The following KIF23 variants were observed in gnomAD, a reference collection of about 807,000 sequenced individuals.
KIF23 encodes the protein kinesin family member 23, also known as kinesin-like protein KIF23.
KIF23 carries 30 observed loss-of-function variants against 137.5 expected under a neutral mutation model. That is an observed-to-expected ratio of 0.22 (90% CI 0.16 to 0.30). The LOEUF is 0.30. Among genes scored for constraint, KIF23 ranks in the 10% least tolerant of loss-of-function variants. The probability of loss-of-function intolerance (pLI) is 1.00; values close to 1 mark genes in which losing one functional copy is unlikely to be tolerated. For missense variants in KIF23, 920 were observed against 1,194.3 expected (o/e 0.77, Z 3.38); for synonymous variants, 367 against 391.1 (o/e 0.94, Z 0.73).
chr15:69,416,138 G>A, intron 2 of KIF23, 75 bp downstream of exon 2: 1 of 905,084 alleles, frequency 1.1e-6, no homozygotes, highest in Non-Finnish European at 1.7e-6. Flanking sequence ...TTATGTGTAT[G>A]CTTGGAAGGG....
chr15:69,421,348 A>G (rs2057050359), intron 3 of KIF23, among the ~76,000 whole-genome samples: 1 of 152,140 alleles, frequency 6.6e-6, no homozygotes, highest in Non-Finnish European at 1.5e-5. Context: ...AGATTGTGTC[A>G]TTGCACTCCA....
At chr15:69,433,764 T>C (rs2057408572) in intron 11 of KIF23, among the ~76,000 whole-genome samples, 2 of 152,098 alleles carry the variant, frequency 1.3e-5, no homozygotes, top group Non-Finnish European at 2.9e-5. Context: ...TTTAGCCACA[T>C]AAAAGGTAGC....
At chr15:69,417,582 T>C (rs2056950594) in intron 3 of KIF23, 71 bp downstream of exon 3, 2 of 1,486,218 alleles carry the variant, frequency 1.3e-6, no homozygotes, top group Non-Finnish European at 9.1e-7. Context: ...GATTTTTAGA[T>C]GTAACAAAGT....
At chr15:69,421,385 T>C (rs1343811915) in intron 3 of KIF23, among the ~76,000 whole-genome samples, 1 of 151,854 alleles carries the variant, frequency 6.6e-6, no homozygotes, top group Non-Finnish European at 1.5e-5. Flanking sequence ...CAAAACTCTG[T>C]CTCAAAAAAA....
chr15:69,428,355 T>G (rs2057258812), intron 10 of KIF23, among the ~76,000 whole-genome samples: 1 of 151,974 alleles, frequency 6.6e-6, no homozygotes, highest in African/African-American at 2.4e-5. Flanking sequence ...GACTTTCACT[T>G]CTTTTTATAA....
At position 69,447,925 on chromosome 15, in the gene KIF23, G is replaced by A; in HGVS notation, c.*118G>A. The A allele has an allele frequency of 9.7e-7, 1 of 1,032,040 alleles. No individual in the cohort carries two copies. Among genetic ancestry groups the A allele is most frequent in the Non-Finnish European group, 1.5e-6 (1 of 675,126 alleles). 63.9% of individuals were successfully genotyped at this position (1,032,040 alleles called of 1,614,324 possible). A position where few individuals can be genotyped will look rare whatever the true frequency, so the allele number is the denominator to read the frequency against. On this transcript the variant is annotated 3_prime_UTR_variant, in exon 24 of 24. Transcript: ENST00000679126. Reference sequence around the variant, plus strand: ...AACTCCAGCTTTGTTGAAAATCACGGACCTCAGCTACATCATACACTGACC... The same window carrying A: ...AACTCCAGCTTTGTTGAAAATCACGAACCTCAGCTACATCATACACTGACC...
At chr15:69,435,962 A>G (rs925166102) in intron 13 of KIF23, among the ~76,000 whole-genome samples, 176 bp from the exon 14 acceptor site, 7 of 152,164 alleles carry the variant, frequency 4.6e-5, no homozygotes, top group Non-Finnish European at 1.0e-4. Context: ...TGGGACGATC[A>G]ATTGGGCCCA....
chr15:69,447,065 C>A, intron 23 of KIF23, 124 bp downstream of exon 23: 1 of 928,444 alleles, frequency 1.1e-6, no homozygotes, highest in African/African-American at 1.6e-5. Context: ...TTGGTTTTCC[C>A]CTTGGACTAT....
rs775485972 is a variant in KIF23 at position 69,439,976 on chromosome 15, C to G, written c.1828C>G (p.Gln610Glu). The G allele has an allele frequency of 1.9e-6, 3 of 1,613,912 alleles. No individual in the cohort carries two copies. The South Asian group carries it at 3.3e-5, about 18-fold the overall frequency. The change falls in exon 17 of 24, where the codon CAG becomes GAG. Residue 610 changes from glutamine to glutamate, a missense_variant. Around this residue, in one of 4 missense-constraint regions of KIF23, gnomAD observed 714 missense variants for 866.2 expected, o/e 0.82. Transcript: ENST00000679126. The stretch of plus-strand genomic sequence containing the variant: ...CAATTTGCAACAGGAACTTGAAACT[C>G]AGAACCAGAAACTTCAGCGACAGTT... ...KRNLQQELET[Q>E]NQKLQRQFSD...
intron 14 of KIF23, 137 bp from the exon 15 acceptor site, chr15:69,436,427 C>A: frequency 8.4e-7 from 1 of 1,197,048 alleles, no homozygotes; most frequent in Non-Finnish European, 1.2e-6. Context: ...TACTATGATT[C>A]TTAGGTAAGT....
Position 69,444,637 on chromosome 15 carries a change from G to A in KIF23, c.2422-153G>A, listed in dbSNP as rs1596027069. Reference sequence around the variant, plus strand: ...GGTGTTAAAGATGTTTGTTGGTTTTGTGTTTAAATGCAAAGATCATGTTTA... The same window carrying A: ...GGTGTTAAAGATGTTTGTTGGTTTTATGTTTAAATGCAAAGATCATGTTTA... On this transcript the variant is annotated intron_variant, in intron 19 of 23. Coordinates refer to ENST00000679126, the MANE Select transcript of KIF23 (RefSeq NM_001367805.3). This position sits in a 1 kb window ranked among gnomAD's most constrained non-coding sequence, Gnocchi z 4.2. 1.4e-6 allele frequency: 1 copy of A among 714,402 alleles called. No homozygotes were observed. The highest frequency in any genetic ancestry group is 2.2e-6 in the Non-Finnish European group (1 of 448,924). 44.3% of individuals were successfully genotyped at this position (714,402 alleles called of 1,614,324 possible).
chr15:69,434,848 C>T (rs2057436322), intron 11 of KIF23: 12 of 820,678 alleles, frequency 1.5e-5, no homozygotes, highest in Middle Eastern at 2.3e-4. Context: ...AGGCACAGGG[C>T]ATAGCTGCTC....
intron 14 of KIF23, 89 bp downstream of exon 14, chr15:69,436,350 T>A: frequency 6.8e-7 from 1 of 1,460,396 alleles, no homozygotes; most frequent in Non-Finnish European, 9.3e-7. Flanking sequence ...AAGAGAAATG[T>A]TTACATACCT....
chr15:69,420,027 G>A (rs549984037), intron 3 of KIF23, among the ~76,000 whole-genome samples: 1 of 152,308 alleles, frequency 6.6e-6, no homozygotes, highest in South Asian at 2.1e-4. Flanking sequence ...CACTTTGGGA[G>A]GCCGAGGCAG....
chr15:69,416,676 T>C (rs8024349), intron 2 of KIF23, among the ~76,000 whole-genome samples: 151,411 of 152,274 alleles, frequency 0.99, 75,282 homozygotes, highest in Middle Eastern at 1. Flanking sequence ...CTCTGTAGGC[T>C]GGGTGCGGTG....
intron 11 of KIF23, chr15:69,434,561 G>T (rs1460171578): frequency 9.7e-7 from 1 of 1,030,372 alleles, no homozygotes; most frequent in Non-Finnish European, 1.5e-6. Flanking sequence ...AACTCCCTTT[G>T]TTGTCCTGGT....
rs1567062578 is a variant in KIF23, at chr15:69,425,350, TAAG to T, written c.776+28_776+30del. ...TATGTGATGGTGTTGGCTCTTTTCT[TAAG>T]GAGAAGGGTGCAGTTATACTATGGT... is the stretch of plus-strand genomic sequence containing the variant. On this transcript the variant is annotated intron_variant, in intron 8 of 23. Coordinates refer to ENST00000679126, the MANE Select transcript of KIF23 (RefSeq NM_001367805.3). The T allele has an allele frequency of 3.3e-6, 5 of 1,529,740 alleles. No homozygotes were observed. In the East Asian group the frequency reaches 9.8e-5, roughly 30 times the overall value. 94.8% of individuals were successfully genotyped at this position (1,529,740 alleles called of 1,614,324 possible). A position where few individuals can be genotyped will look rare whatever the true frequency, so the allele number is the denominator to read the frequency against.
intron 17 of KIF23, 29 bp downstream of exon 17, chr15:69,440,106 C>A: frequency 6.3e-7 from 1 of 1,599,460 alleles, no homozygotes; most frequent in South Asian, 1.1e-5. Context: ...GTGCTTGTCT[C>A]AGAGTCGGAT....
rs572927186 is a variant in KIF23, at chr15:69,444,333, A to G, written c.2422-457A>G. 1 of 153,968 alleles carries G rather than the reference A, an allele frequency of 6.5e-6. No individual in the cohort carries two copies. The highest frequency in any genetic ancestry group is 2.0e-4 in the South Asian group (1 of 4,904). 9.5% of individuals were successfully genotyped at this position (153,968 alleles called of 1,614,324 possible). A position where few individuals can be genotyped will look rare whatever the true frequency, so the allele number is the denominator to read the frequency against. On this transcript the variant is annotated intron_variant, in intron 19 of 23. Transcript: ENST00000679126. The surrounding 1 kb of genome is among the most constrained non-coding windows in gnomAD (Gnocchi z 4.2). ...TAATCATTTTATTCATATGGTTCTT[A>G]TTATACCTATGTTCTTAGGATTGTT...
Sources: gnomAD v4.1 joint callset for allele counts (sites outside exome capture counted in the v4.1 genomes callset) on GRCh38, gnomAD v4.1.1 for gene constraint, gnomAD v4.1.1 regional missense constraint, Gnocchi (gnomAD v3.1) non-coding constraint, MANE v1.5 for transcripts, NCBI Gene and HGNC (gene_info 2026-07-23, HGNC 2026-07-21) for gene names.